Variants in CYP19A1 observed in about 807,000 individuals in gnomAD.
CYP19A1 encodes the protein cytochrome P450 family 19 subfamily A member 1, also known as aromatase.
A neutral mutation model predicts 44.4 loss-of-function variants in CYP19A1; 32 were observed. The ratio of observed to expected loss-of-function variants is 0.72; its 90% CI spans 0.54 to 0.97. The LOEUF (loss-of-function observed/expected upper bound fraction) is 0.97. Among genes scored for constraint, CYP19A1 ranks in the 50% least tolerant of loss-of-function variants. CYP19A1 has a pLI of 0.00. For synonymous variants in CYP19A1, 212 were observed against 215.6 expected, an observed-to-expected ratio of 0.98 and a Z score of 0.14; for missense variants, 598 against 637.8, an observed-to-expected ratio of 0.94 and a Z score of 0.67.
At chr15:51,329,157 A>G (rs1050636235) in intron 1 of CYP19A1, among the ~76,000 whole-genome samples, 2 of 152,142 alleles carry the variant, frequency 1.3e-5, no homozygotes, top group Non-Finnish European at 2.9e-5. Context: ...ACTCCCACAC[A>G]AGTCTGAGCC....
intron 3 of CYP19A1, among the ~76,000 whole-genome samples, chr15:51,232,805 C>G (rs1157232463): frequency 6.6e-6 from 1 of 152,304 alleles, no homozygotes; most frequent in East Asian, 1.9e-4. Context: ...ATCCCTTGTC[C>G]TCTTGCACCT....
At chr15:51,308,406 A>T (rs1024074034) in intron 1 of CYP19A1, among the ~76,000 whole-genome samples, 1 of 152,092 alleles carries the variant, frequency 6.6e-6, no homozygotes, top group African/African-American at 2.4e-5. Context: ...TTTGTTTCAT[A>T]GTTAGTTTCT....
intron 1 of CYP19A1, among the ~76,000 whole-genome samples, chr15:51,329,194 C>T (rs969815982): frequency 2.6e-5 from 4 of 152,210 alleles, no homozygotes; most frequent in Admixed American, 2.6e-4. Flanking sequence ...CTGCCTCCTC[C>T]CTTCTCGTCA....
chr15:51,270,183 G>GGT (rs1250923730), intron 1 of CYP19A1, among the ~76,000 whole-genome samples: 5 of 112,574 alleles, frequency 4.4e-5, no homozygotes, highest in African/African-American at 1.6e-4. Flanking sequence ...AGTATTCTTT[G>GGT]GTTTTTTTTT....
chr15:51,268,012 C>T (rs2034991482), intron 1 of CYP19A1, among the ~76,000 whole-genome samples: 1 of 152,358 alleles, frequency 6.6e-6, no homozygotes, highest in African/African-American at 2.4e-5. Flanking sequence ...TCACTTTCCC[C>T]TAGGTTTCCT....
intron 1 of CYP19A1, among the ~76,000 whole-genome samples, chr15:51,324,088 C>G (rs1332454734): frequency 1.3e-5 from 2 of 152,136 alleles, no homozygotes; most frequent in African/African-American, 2.4e-5. Context: ...TCTCTCAGCT[C>G]CCCCTACCCA....
At chr15:51,218,315 C>T (rs2031763477) in intron 6 of CYP19A1, 1 of 549,468 alleles carries the variant, frequency 1.8e-6, no homozygotes, top group South Asian at 2.1e-5. Flanking sequence ...ACACTCAGCC[C>T]CCTTGCCGAG....
rs751154551 is a variant in CYP19A1 at position 51,242,781 on chromosome 15, T to C, written c.132A>G (p.Thr44=). Residue 44 remains threonine, a synonymous_variant, in exon 2 of 10, where the codon ACA becomes ACG. Transcript: ENST00000396402. The stretch of plus-strand genomic sequence containing the variant: ...TGACTGACTTACCTGGTATTGAGGA[T>C]GTGCCCTCATAATTCCACACCAAGA... The part of the protein sequence containing the change: ...LFLLVWNYEG[T]SSIPGPGYCM... The C allele has an allele frequency of 1.9e-6, 3 of 1,564,682 alleles. No individual in the cohort carries two copies. In the East Asian group the frequency reaches 6.7e-5, roughly 35 times the overall value.
At chr15:51,249,569 AC>A (rs2034220407) in intron 1 of CYP19A1, among the ~76,000 whole-genome samples, 1 of 152,200 alleles carries the variant, frequency 6.6e-6, no homozygotes, top group African/African-American at 2.4e-5. Flanking sequence ...TGAGCAGGGT[AC>A]TACATTCAGA....
intron 1 of CYP19A1, among the ~76,000 whole-genome samples, chr15:51,297,868 A>ACACACAC (rs1173662173): frequency 1.4e-5 from 2 of 146,676 alleles, no homozygotes; most frequent in African/African-American, 5.0e-5. Context: ...ACACACACAC[A>ACACACAC]CCCTAGGCCT....
At chr15:51,282,308 AG>A (rs1215918677) in intron 1 of CYP19A1, among the ~76,000 whole-genome samples, 1 of 152,258 alleles carries the variant, frequency 6.6e-6, no homozygotes, top group Non-Finnish European at 1.5e-5. Flanking sequence ...CATAATGTCC[AG>A]GGCTCAGTGC....
chr15:51,334,700 G>A (rs904617927), intron 1 of CYP19A1, among the ~76,000 whole-genome samples: 8 of 152,224 alleles, frequency 5.3e-5, no homozygotes, highest in Admixed American at 6.5e-5. Context: ...ACAATTTAAA[G>A]CCTACTAATG....
intron 1 of CYP19A1, among the ~76,000 whole-genome samples, chr15:51,279,638 T>C (rs2035446190): frequency 6.6e-6 from 1 of 152,216 alleles, no homozygotes. Context: ...ACATATACAT[T>C]TCCCTTAAAG....
At chr15:51,293,896 T>C (rs2035907724) in intron 1 of CYP19A1, 1 of 210,482 alleles carries the variant, frequency 4.8e-6, no homozygotes, top group African/African-American at 2.4e-5. Flanking sequence ...TGGCGTAATC[T>C]CGGCTGGCTA....
At chr15:51,288,199 C>A (rs1019222391) in intron 1 of CYP19A1, among the ~76,000 whole-genome samples, 1 of 152,128 alleles carries the variant, frequency 6.6e-6, no homozygotes, top group African/African-American at 2.4e-5. Context: ...TGCCTCCTGT[C>A]CCCAGCCCCT....
intron 3 of CYP19A1, among the ~76,000 whole-genome samples, chr15:51,230,313 T>C (rs1364424135): frequency 6.6e-6 from 1 of 152,140 alleles, no homozygotes; most frequent in African/African-American, 2.4e-5. Context: ...TACTGATTAT[T>C]TGGGAGAGTG....
chr15:51,288,484 G>A (rs999860987), intron 1 of CYP19A1, among the ~76,000 whole-genome samples: 32 of 152,200 alleles, frequency 2.1e-4, no homozygotes, highest in African/African-American at 6.3e-4. Context: ...TCACCACCGC[G>A]TTCCTGCTTT....
intron 1 of CYP19A1, among the ~76,000 whole-genome samples, chr15:51,272,843 G>A (rs534990793): frequency 5.3e-5 from 8 of 152,318 alleles, no homozygotes; most frequent in Admixed American, 3.9e-4. Context: ...GGCTGTGACA[G>A]TTGAGATAGA....
intron 8 of CYP19A1, among the ~76,000 whole-genome samples, chr15:51,213,200 C>T (rs2031204144): frequency 6.6e-6 from 1 of 152,132 alleles, no homozygotes; most frequent in Non-Finnish European, 1.5e-5. Context: ...TCAAGAAAGA[C>T]CTGCAGTAGA....
Sources: allele counts gnomAD v4.1 joint callset (sites outside exome capture counted in the v4.1 genomes callset), GRCh38; gene constraint gnomAD v4.1.1; transcripts MANE v1.5; gene names NCBI Gene and HGNC (gene_info 2026-07-23, HGNC 2026-07-21).